Variants in CNTNAP2 observed in about 807,000 individuals in gnomAD.
CNTNAP2 encodes the protein contactin-associated protein-like 2.
In CNTNAP2, 98 loss-of-function variants were observed where a neutral mutation model predicts 155.2. The ratio of observed to expected loss-of-function variants is 0.63; its 90% CI spans 0.54 to 0.75. The LOEUF (loss-of-function observed/expected upper bound fraction) is 0.75. CNTNAP2 is among the 30% of genes least tolerant of loss of function. The pLI is 0.00. For synonymous variants in CNTNAP2, 651 were observed against 631.2 expected, an observed-to-expected ratio of 1.03 and a Z score of -0.47; for missense variants, 1,727 against 1,688.1, an observed-to-expected ratio of 1.02 and a Z score of -0.40.
At chr7:147,093,363 A>C (rs968850663) in intron 4 of CNTNAP2, among the ~76,000 whole-genome samples, 1 of 152,130 alleles carries the variant, frequency 6.6e-6, no homozygotes. Flanking sequence ...ATTAAATTAA[A>C]TATTTATTAT....
At chr7:147,263,164 T>A (rs1804530293) in intron 8 of CNTNAP2, among the ~76,000 whole-genome samples, 1 of 152,050 alleles carries the variant, frequency 6.6e-6, no homozygotes. Context: ...CTGGGCAATA[T>A]GGCAAAACCT....
At chr7:146,772,672 TAAAAATA>T (rs1260406440) in intron 1 of CNTNAP2, among the ~76,000 whole-genome samples, 1 of 150,666 alleles carries the variant, frequency 6.6e-6, no homozygotes, top group Admixed American at 6.6e-5. Context: ...CGGTCTCAAA[TAAAAATA>T]AAAAAGAAAA....
intron 15 of CNTNAP2, among the ~76,000 whole-genome samples, chr7:147,984,829 T>A (rs1288701160): frequency 6.6e-6 from 1 of 152,066 alleles, no homozygotes; most frequent in Non-Finnish European, 1.5e-5. Flanking sequence ...AAGGACTATT[T>A]ACTGGCTGGG....
chr7:147,322,558 C>A (rs545851408), intron 9 of CNTNAP2, among the ~76,000 whole-genome samples: 3 of 151,028 alleles, frequency 2.0e-5, no homozygotes, highest in South Asian at 2.1e-4. Context: ...TGTCTCTGCC[C>A]GGCTTTGGTA....
chr7:147,880,666 C>T (rs1308261642), intron 13 of CNTNAP2, among the ~76,000 whole-genome samples: 1 of 151,732 alleles, frequency 6.6e-6, no homozygotes, highest in Admixed American at 6.6e-5. Context: ...GAAATCAGGA[C>T]CAGCTCTCGG....
At chr7:146,422,341 ATG>A (rs1796024779) in intron 1 of CNTNAP2, among the ~76,000 whole-genome samples, 1 of 149,188 alleles carries the variant, frequency 6.7e-6, no homozygotes, top group African/African-American at 2.5e-5. Flanking sequence ...ATATACATAT[ATG>A]TATGTGTATA....
intron 13 of CNTNAP2, among the ~76,000 whole-genome samples, chr7:147,793,512 C>A (rs1007337149): frequency 2.6e-5 from 4 of 152,036 alleles, no homozygotes; most frequent in African/African-American, 9.7e-5. Context: ...GAGTATATTT[C>A]TATTTAATTG....
chr7:146,301,257 T>G (rs1266547120), intron 1 of CNTNAP2, among the ~76,000 whole-genome samples: 1 of 152,100 alleles, frequency 6.6e-6, no homozygotes, highest in Non-Finnish European at 1.5e-5. Flanking sequence ...AGGATTAATT[T>G]GAGAATAGAA....
intron 8 of CNTNAP2, among the ~76,000 whole-genome samples, chr7:147,269,168 G>T (rs1035952264): frequency 3.3e-5 from 5 of 152,060 alleles, no homozygotes; most frequent in Admixed American, 2.6e-4. Context: ...TCCTCTGTTT[G>T]GTCCTTGAGG....
chr7:147,172,627 A>G (rs1802255402), intron 8 of CNTNAP2, among the ~76,000 whole-genome samples: 1 of 152,160 alleles, frequency 6.6e-6, no homozygotes, highest in Non-Finnish European at 1.5e-5. Context: ...GTAATTATGT[A>G]TAATTAGGCA....
intron 1 of CNTNAP2, among the ~76,000 whole-genome samples, chr7:146,424,304 T>A (rs1240989671): frequency 6.6e-6 from 1 of 152,158 alleles, no homozygotes; most frequent in African/African-American, 2.4e-5. Flanking sequence ...ACGGCTATGA[T>A]TGATTACAGC....
intron 13 of CNTNAP2, among the ~76,000 whole-genome samples, chr7:147,873,366 C>T (rs1585003656): frequency 6.6e-6 from 1 of 152,136 alleles, no homozygotes; most frequent in African/African-American, 2.4e-5. Context: ...TTAATGGACT[C>T]ACAGATCTAC....
intron 21 of CNTNAP2, among the ~76,000 whole-genome samples, chr7:148,383,324 A>T (rs1799112293): frequency 6.6e-6 from 1 of 152,178 alleles, no homozygotes; most frequent in Non-Finnish European, 1.5e-5. Context: ...AGCATCAGAA[A>T]AGATAAGGAG....
intron 18 of CNTNAP2, among the ~76,000 whole-genome samples, chr7:148,192,960 T>C (rs1795224076): frequency 6.6e-6 from 1 of 152,336 alleles, no homozygotes; most frequent in South Asian, 2.1e-4. Flanking sequence ...TATTCTCTTT[T>C]TAAAAATTAA....
intron 9 of CNTNAP2, among the ~76,000 whole-genome samples, chr7:147,347,146 C>G (rs1056989609): frequency 6.6e-5 from 10 of 151,900 alleles, no homozygotes; most frequent in Admixed American, 6.6e-4. Context: ...AATCATTGGT[C>G]CTTCCCTATA....
chr7:147,798,929 C>T (rs1359897571), intron 13 of CNTNAP2, among the ~76,000 whole-genome samples: 1 of 152,126 alleles, frequency 6.6e-6, no homozygotes, highest in Non-Finnish European at 1.5e-5. Flanking sequence ...CCTTGTTTCC[C>T]TCCATATTGA....
chr7:146,123,473 G>A (rs1188783929), intron 1 of CNTNAP2, among the ~76,000 whole-genome samples: 3 of 152,086 alleles, frequency 2.0e-5, no homozygotes, highest in Non-Finnish European at 2.9e-5. Context: ...ACTGGCATAC[G>A]CACTGTCAAA....
intron 13 of CNTNAP2, among the ~76,000 whole-genome samples, chr7:147,872,850 G>T (rs1284142783): frequency 2.0e-5 from 3 of 152,030 alleles, no homozygotes; most frequent in African/African-American, 7.2e-5. Context: ...GAGGAAAAAA[G>T]AAAAATGTAC....
rs777501864 is a variant in CNTNAP2 at position 148,420,051 on chromosome 7, C to T, written c.*4435C>T. The T allele has an allele frequency of 1.3e-5, 2 of 152,182 alleles. No homozygotes were observed. The highest frequency in any genetic ancestry group is 4.8e-5 in the African/African-American group (2 of 41,432). 9.4% of individuals were successfully genotyped at this position (152,182 alleles called of 1,614,324 possible). A position where few individuals can be genotyped will look rare whatever the true frequency, so the allele number is the denominator to read the frequency against. ...TCACATCAAAAGACAAATGTGGCCACGTTCAGGAATTGGAGACTTACTGGC... is the reference window on the plus strand; with the variant it reads ...TCACATCAAAAGACAAATGTGGCCATGTTCAGGAATTGGAGACTTACTGGC... On this transcript the variant is annotated 3_prime_UTR_variant, in exon 24 of 24. Transcript: ENST00000361727.
Sources: allele counts gnomAD v4.1 joint callset (sites outside exome capture counted in the v4.1 genomes callset), GRCh38; gene constraint gnomAD v4.1.1; transcripts MANE v1.5; gene names NCBI Gene and HGNC (gene_info 2026-07-23, HGNC 2026-07-21).